IMMP2L: variants seen among roughly 807,000 people sequenced by gnomAD.
IMMP2L encodes the protein inner mitochondrial membrane peptidase subunit 2.
A neutral mutation model predicts 19.3 loss-of-function variants in IMMP2L; 18 were observed. The ratio of observed to expected loss-of-function variants is 0.93; its 90% CI spans 0.64 to 1.38. IMMP2L has a LOEUF of 1.38. IMMP2L is among the 40% of genes most tolerant of loss of function. The probability of loss-of-function intolerance (pLI) is 0.00; values close to 1 mark genes in which losing one functional copy is unlikely to be tolerated. For missense variants in IMMP2L, 233 were observed against 218.2 expected (o/e 1.07, Z -0.43); for synonymous variants, 76 against 73.0 (o/e 1.04, Z -0.21).
intron 3 of IMMP2L, among the ~76,000 whole-genome samples, chr7:111,216,575 T>C (rs1811945467): frequency 6.6e-6 from 1 of 152,108 alleles, no homozygotes; most frequent in Non-Finnish European, 1.5e-5. Flanking sequence ...AATTTTAAAA[T>C]GTACAGTACT....
intron 3 of IMMP2L, among the ~76,000 whole-genome samples, chr7:111,349,837 C>G (rs181268045): frequency 6.6e-6 from 1 of 152,072 alleles, no homozygotes; most frequent in Non-Finnish European, 1.5e-5. Context: ...TCTCAGGAGC[C>G]CTCTCCCTGT....
chr7:111,095,140 G>C (rs1797270927), intron 3 of IMMP2L, among the ~76,000 whole-genome samples: 2 of 151,932 alleles, frequency 1.3e-5, no homozygotes, highest in Admixed American at 1.3e-4. Flanking sequence ...TCAGGAGACG[G>C]GGAATAAAGA....
At chr7:111,374,050 C>T (rs1390000809) in intron 3 of IMMP2L, among the ~76,000 whole-genome samples, 2 of 151,870 alleles carry the variant, frequency 1.3e-5, no homozygotes, top group African/African-American at 2.4e-5. Context: ...GCAGCAAAGA[C>T]CTCATTCAGT....
chr7:110,965,046 A>C (rs556332352), intron 3 of IMMP2L, among the ~76,000 whole-genome samples: 2 of 152,152 alleles, frequency 1.3e-5, no homozygotes, highest in Non-Finnish European at 2.9e-5. Flanking sequence ...AATATGTGAG[A>C]TAATAAACGT....
chr7:110,734,974 A>G (rs1003427749), intron 5 of IMMP2L, among the ~76,000 whole-genome samples: 4 of 152,230 alleles, frequency 2.6e-5, no homozygotes, highest in Non-Finnish European at 5.9e-5. Flanking sequence ...AGACTTGCAG[A>G]GGTTCCCTTG....
intron 5 of IMMP2L, among the ~76,000 whole-genome samples, chr7:110,729,657 A>G (rs572111154): frequency 4.7e-4 from 71 of 152,348 alleles, no homozygotes; most frequent in African/African-American, 1.7e-3. Context: ...ACTAAAGGTC[A>G]CTAGTAACTC....
intron 3 of IMMP2L, among the ~76,000 whole-genome samples, chr7:111,128,767 G>A (rs2129592705): frequency 6.6e-6 from 1 of 152,292 alleles, no homozygotes; most frequent in East Asian, 1.9e-4. Context: ...GGAGGTTGCA[G>A]TGAGCCAAGA....
chr7:110,702,179 C>T (rs1029881738), intron 5 of IMMP2L, among the ~76,000 whole-genome samples: 7 of 152,006 alleles, frequency 4.6e-5, no homozygotes, highest in African/African-American at 1.7e-4. Context: ...AAGTGATCCA[C>T]CTGCTTAGGC....
intron 4 of IMMP2L, among the ~76,000 whole-genome samples, chr7:110,953,414 C>T (rs929414655): frequency 2.6e-5 from 4 of 151,380 alleles, no homozygotes; most frequent in African/African-American, 9.7e-5. Flanking sequence ...TGAGAACATG[C>T]GGTGTTTGGT....
chr7:111,193,562 C>T (rs1586767300), intron 3 of IMMP2L, among the ~76,000 whole-genome samples: 1 of 152,086 alleles, frequency 6.6e-6, no homozygotes, highest in East Asian at 1.9e-4. Flanking sequence ...TTTATAACTC[C>T]CAAGAGTGAT....
At chr7:111,204,736 C>G (rs770073639) in intron 3 of IMMP2L, among the ~76,000 whole-genome samples, 1 of 152,026 alleles carries the variant, frequency 6.6e-6, no homozygotes, top group Non-Finnish European at 1.5e-5. Flanking sequence ...TTTGCTATCC[C>G]CCATTTAAAG....
intron 3 of IMMP2L, among the ~76,000 whole-genome samples, chr7:111,194,116 C>A (rs984217931): frequency 6.6e-6 from 1 of 152,182 alleles, no homozygotes; most frequent in Non-Finnish European, 1.5e-5. Flanking sequence ...TACTCAACTT[C>A]TGCCTTGGGG....
At chr7:111,257,375 C>A (rs1317578734) in intron 3 of IMMP2L, among the ~76,000 whole-genome samples, 1 of 152,130 alleles carries the variant, frequency 6.6e-6, no homozygotes, top group East Asian at 1.9e-4. Flanking sequence ...ACATTTTCCG[C>A]TTTCAATGCA....
chr7:111,317,761 T>C (rs950241723), intron 3 of IMMP2L, among the ~76,000 whole-genome samples: 4 of 152,166 alleles, frequency 2.6e-5, no homozygotes, highest in African/African-American at 9.7e-5. Flanking sequence ...AAGAAAAATT[T>C]AAGATGCTTA....
chr7:110,747,858 TCAC>T (rs141883433), intron 5 of IMMP2L, among the ~76,000 whole-genome samples: 8,510 of 152,152 alleles, frequency 0.056, 787 homozygotes, highest in African/African-American at 0.2. Flanking sequence ...ATGCCCTCTC[TCAC>T]CACACCATTC....
At chr7:111,305,943 G>A (rs1822818659) in intron 3 of IMMP2L, among the ~76,000 whole-genome samples, 1 of 152,138 alleles carries the variant, frequency 6.6e-6, no homozygotes, top group African/African-American at 2.4e-5. Context: ...CAAGGGAATG[G>A]ATGGCTGCTG....
At chr7:111,147,352 G>A (rs1803589506) in intron 3 of IMMP2L, among the ~76,000 whole-genome samples, 1 of 152,038 alleles carries the variant, frequency 6.6e-6, no homozygotes, top group Non-Finnish European at 1.5e-5. Context: ...TAAAGGTCTT[G>A]CATGGGACTT....
At chr7:111,283,970 C>CAAAA (rs972346409) in intron 3 of IMMP2L, among the ~76,000 whole-genome samples, 32 of 48,542 alleles carry the variant, frequency 6.6e-4, no homozygotes, top group African/African-American at 2.0e-3. Flanking sequence ...GACTCCGTCT[C>CAAAA]AAAAAAAAAA....
chr7:110,953,050 G>C (rs938971375), intron 4 of IMMP2L, among the ~76,000 whole-genome samples: 1 of 152,064 alleles, frequency 6.6e-6, no homozygotes, highest in African/African-American at 2.4e-5. Context: ...GTATGCTAGT[G>C]TAACAGATAT....
Sources: allele counts gnomAD v4.1 joint callset (sites outside exome capture counted in the v4.1 genomes callset), GRCh38; gene constraint gnomAD v4.1.1; transcripts MANE v1.5; gene names NCBI Gene and HGNC (gene_info 2026-07-23, HGNC 2026-07-21).